The following NELL1 variants were observed in gnomAD, a reference collection of about 807,000 sequenced individuals.
NELL1 encodes protein kinase C-binding protein NELL1.
Under a neutral mutation model 107.4 loss-of-function variants are expected in NELL1, and 76 were observed. The observed-to-expected ratio is 0.71, with a 90% CI of 0.59 to 0.86. NELL1 has a LOEUF of 0.86. Among genes scored for constraint, NELL1 ranks in the 40% least tolerant of loss-of-function variants. The probability of loss-of-function intolerance (pLI) is 0.00; values close to 1 mark genes in which losing one functional copy is unlikely to be tolerated. For synonymous variants in NELL1, 353 were observed against 341.2 expected (o/e 1.03, Z -0.38); for missense variants, 1,024 against 1,005.5 (o/e 1.02, Z -0.25).
chr11:21,030,899 T>C (rs1852940294), intron 12 of NELL1, among the ~76,000 whole-genome samples: 1 of 152,020 alleles, frequency 6.6e-6, no homozygotes, highest in Admixed American at 6.6e-5. Context: ...TTAAAAAAGG[T>C]TTTATTTCTG....
intron 12 of NELL1, among the ~76,000 whole-genome samples, chr11:21,004,289 T>C (rs577757886): frequency 3.3e-5 from 5 of 152,272 alleles, no homozygotes; most frequent in Non-Finnish European, 7.4e-5. Flanking sequence ...ATTGAAGTGG[T>C]TAATAAAAAC....
At chr11:20,792,997 T>C (rs888496340) in intron 3 of NELL1, among the ~76,000 whole-genome samples, 1 of 151,958 alleles carries the variant, frequency 6.6e-6, no homozygotes, top group Non-Finnish European at 1.5e-5. Context: ...GTGTTTCTGA[T>C]AGAATGAGCC....
chr11:20,960,672 C>T, intron 12 of NELL1, 112 bp downstream of exon 12: 1 of 1,193,820 alleles, frequency 8.4e-7, no homozygotes, highest in Non-Finnish European at 1.2e-6. Flanking sequence ...CTATGCAATC[C>T]TATAAGAAAT....
chr11:21,230,542 G>C (rs1858020722), intron 14 of NELL1, among the ~76,000 whole-genome samples: 1 of 152,160 alleles, frequency 6.6e-6, no homozygotes, highest in Non-Finnish European at 1.5e-5. Context: ...CTATGAGGTA[G>C]GTATTATTAT....
chr11:21,032,063 A>C lies in NELL1; in HGVS notation c.1300+71503A>C, dbSNP rs905719381. ...CCATGTCAAAATAATAATAATAATA[A>C]TAATAATAATAATAATAATAATGAT... On this transcript the variant is annotated intron_variant, in intron 12 of 19. Coordinates refer to ENST00000357134, the MANE Select transcript of NELL1 (RefSeq NM_006157.5). Among the ~76,000 whole-genome samples the C allele has an allele frequency of 1.4e-3, 206 of 148,884 alleles. 1 individual carries two copies. Among genetic ancestry groups the C allele is most frequent in the African/African-American group, 4.7e-3 (191 of 40,922 alleles).
chr11:20,739,713 C>T (rs114906880), intron 2 of NELL1, among the ~76,000 whole-genome samples: 1,888 of 152,260 alleles, frequency 0.012, 35 homozygotes, highest in African/African-American at 0.043. Flanking sequence ...CCCGCACTGC[C>T]ATTCCCTGGG....
intron 11 of NELL1, among the ~76,000 whole-genome samples, chr11:20,949,355 A>T (rs1407798033): frequency 2.0e-5 from 3 of 152,208 alleles, no homozygotes; most frequent in Admixed American, 2.0e-4. Context: ...TGACATCAGA[A>T]TATCTTCCTT....
chr11:20,775,929 T>G (rs959574118), intron 2 of NELL1, among the ~76,000 whole-genome samples: 1 of 152,246 alleles, frequency 6.6e-6, no homozygotes, highest in Admixed American at 6.5e-5. Flanking sequence ...GGCAGCTCAT[T>G]ACTTGAATGT....
chr11:21,027,888 G>C (rs1031265829), intron 12 of NELL1, among the ~76,000 whole-genome samples: 1 of 152,064 alleles, frequency 6.6e-6, no homozygotes, highest in African/African-American at 2.4e-5. Context: ...GCCTGGCAGT[G>C]GAGAAGATAG....
At chr11:21,014,994 T>C (rs1852532036) in intron 12 of NELL1, among the ~76,000 whole-genome samples, 1 of 152,170 alleles carries the variant, frequency 6.6e-6, no homozygotes, top group African/African-American at 2.4e-5. Flanking sequence ...TTTTCACTTA[T>C]CACTGAACAC....
chr11:20,940,382 C>A lies in NELL1; in HGVS notation c.1071+2523C>A, dbSNP rs549302621. 4.6e-5 allele frequency among the ~76,000 whole-genome samples: 7 copies of A among 152,246 alleles called. No individual in the cohort carries two copies. In the East Asian group the frequency reaches 1.4e-3, roughly 29 times the overall value. On this transcript the variant is annotated intron_variant, in intron 10 of 19. Transcript: ENST00000357134. ...TCAAGCAATTCTTCTGCCTTAGCCT[C>A]CTGAGTAGCTGGAATTAAGAGCTGC...
chr11:21,156,647 GAC>G (rs1856242773), intron 13 of NELL1, among the ~76,000 whole-genome samples: 1 of 152,086 alleles, frequency 6.6e-6, no homozygotes, highest in African/African-American at 2.4e-5. Flanking sequence ...ATGAGAGGAT[GAC>G]ACTGAAGCAG....
At chr11:20,793,111 C>CA (rs1476848953) in intron 3 of NELL1, among the ~76,000 whole-genome samples, 1 of 151,734 alleles carries the variant, frequency 6.6e-6, no homozygotes, top group South Asian at 2.1e-4. Context: ...CTGAAAAGTA[C>CA]AAAAAATATT....
intron 3 of NELL1, among the ~76,000 whole-genome samples, chr11:20,827,785 T>TGA (rs1278539721): frequency 6.6e-6 from 1 of 151,224 alleles, no homozygotes. Context: ...ATGATTTTCT[T>TGA]CCACCCTAAG....
At chr11:21,415,004 A>C (rs1330064910) in intron 15 of NELL1, among the ~76,000 whole-genome samples, 1 of 152,086 alleles carries the variant, frequency 6.6e-6, no homozygotes, top group African/African-American at 2.4e-5. Context: ...AAAGAAGACA[A>C]CTAAAGAGCC....
chr11:21,263,712 G>A (rs1440570209), intron 14 of NELL1, among the ~76,000 whole-genome samples: 1 of 151,868 alleles, frequency 6.6e-6, no homozygotes, highest in African/African-American at 2.4e-5. Context: ...GTATCTGGTG[G>A]TGTTAATTCC....
intron 15 of NELL1, among the ~76,000 whole-genome samples, chr11:21,454,378 G>T (rs1052006555): frequency 6.6e-6 from 1 of 151,684 alleles, no homozygotes; most frequent in African/African-American, 2.4e-5. Flanking sequence ...GAATAATGCC[G>T]CAATAAACAT....
chr11:21,280,512 CTG>C (rs1848969037), intron 14 of NELL1, among the ~76,000 whole-genome samples: 1 of 152,158 alleles, frequency 6.6e-6, no homozygotes, highest in African/African-American at 2.4e-5. Context: ...AAGAGAGAAT[CTG>C]TGCATTTGTG....
At chr11:21,274,991 T>G (rs576284954) in intron 14 of NELL1, among the ~76,000 whole-genome samples, 7 of 151,988 alleles carry the variant, frequency 4.6e-5, no homozygotes, top group African/African-American at 1.4e-4. Flanking sequence ...TTAAAAGAAC[T>G]AGGGAAGCAA....
Sources: gnomAD v4.1 joint callset for allele counts (sites outside exome capture counted in the v4.1 genomes callset) on GRCh38, gnomAD v4.1.1 for gene constraint, MANE v1.5 for transcripts, NCBI Gene and HGNC (gene_info 2026-07-23, HGNC 2026-07-21) for gene names.